GABRB2: variants seen among roughly 807,000 people sequenced by gnomAD.
The protein encoded by GABRB2 is gamma-aminobutyric acid receptor subunit beta-2.
Under a neutral mutation model 54.7 loss-of-function variants are expected in GABRB2, and 16 were observed. The observed-to-expected ratio is 0.29, with a 90% confidence interval of 0.20 to 0.44. GABRB2 has a LOEUF of 0.44. GABRB2 is among the 20% of genes least tolerant of loss of function. The pLI, the probability that GABRB2 is intolerant of heterozygous loss-of-function variation, is 1.00. For synonymous variants in GABRB2, 244 were observed against 233.8 expected (o/e 1.04, Z -0.40); for missense variants, 355 against 644.0 (o/e 0.55, Z 4.86).
In GABRB2 at chr5:161,459,943, T is replaced by A. The variant is rs1278633842; in HGVS notation, c.238-99A>T. 5 of 675,540 alleles carry A rather than the reference T, an allele frequency of 7.4e-6. No individual in the cohort carries two copies. In the Admixed American group the frequency reaches 9.2e-5, roughly 12 times the overall value. 41.8% of individuals were successfully genotyped at this position (675,540 alleles called of 1,614,324 possible). A position where few individuals can be genotyped will look rare whatever the true frequency, so the allele number is the denominator to read the frequency against. ...ATTAATAAGAAAATGAATTTATTTTTAATTTATTTTTATTTTTTTGAGACA... is the reference window on the plus strand; with the variant it reads ...ATTAATAAGAAAATGAATTTATTTTAAATTTATTTTTATTTTTTTGAGACA... On this transcript the variant is annotated intron_variant, in intron 3 of 9. Coordinates refer to ENST00000393959, the MANE Select transcript of GABRB2 (RefSeq NM_001371727.1).
intron 3 of GABRB2, among the ~76,000 whole-genome samples, chr5:161,493,675 G>A (rs1759142315): frequency 6.6e-6 from 1 of 151,568 alleles, no homozygotes; most frequent in Non-Finnish European, 1.5e-5. Flanking sequence ...AAATTATGCA[G>A]GTTTAGTTTT....
chr5:161,313,197 TTGTTATATAACTGCTC>T (rs1757927145), intron 9 of GABRB2, among the ~76,000 whole-genome samples: 2 of 152,260 alleles, frequency 1.3e-5, no homozygotes, highest in South Asian at 4.1e-4. Flanking sequence ...AGTCTCGTGT[TTGTTATATAACTGCTC>T]TGTGACCTTA....
chr5:161,402,663 G>A (rs74474693), intron 5 of GABRB2, among the ~76,000 whole-genome samples: 1 of 152,312 alleles, frequency 6.6e-6, no homozygotes, highest in East Asian at 1.9e-4. Context: ...GTCCAGAGCA[G>A]TGACTTTCAA....
chr5:161,427,393 A>G (rs1757033029), intron 4 of GABRB2, among the ~76,000 whole-genome samples: 1 of 152,186 alleles, frequency 6.6e-6, no homozygotes, highest in African/African-American at 2.4e-5. Context: ...AAATAATGAA[A>G]TAACTCTACT....
At chr5:161,403,944 T>C (rs918036254) in intron 5 of GABRB2, among the ~76,000 whole-genome samples, 10 of 152,152 alleles carry the variant, frequency 6.6e-5, no homozygotes, top group Admixed American at 3.3e-4. Flanking sequence ...ATATGATTTC[T>C]CTTTACTAGG....
intron 4 of GABRB2, among the ~76,000 whole-genome samples, chr5:161,449,108 C>T (rs1263583677): frequency 2.6e-5 from 4 of 152,156 alleles, no homozygotes; most frequent in Non-Finnish European, 5.9e-5. Context: ...TACCTGCTTT[C>T]TCAAGAGTCT....
intron 3 of GABRB2, among the ~76,000 whole-genome samples, chr5:161,472,723 A>G (rs529984550): frequency 1.3e-5 from 2 of 152,010 alleles, no homozygotes; most frequent in East Asian, 1.9e-4. Context: ...AATTAGAGGG[A>G]TGTACGGTGC....
chr5:161,450,379 T>C (rs1452875808), intron 4 of GABRB2, among the ~76,000 whole-genome samples: 3 of 152,172 alleles, frequency 2.0e-5, no homozygotes, highest in African/African-American at 7.2e-5. Context: ...CTTTAAGTGT[T>C]TTTTATTTAA....
At chr5:161,294,629 A>G (rs1306399293) in intron 9 of GABRB2, among the ~76,000 whole-genome samples, 2 of 152,184 alleles carry the variant, frequency 1.3e-5, no homozygotes, top group Non-Finnish European at 2.9e-5. Context: ...ATTAAATGAT[A>G]TAATAATCCA....
At chr5:161,344,586 C>T (rs547368143) in intron 5 of GABRB2, among the ~76,000 whole-genome samples, 2 of 152,016 alleles carry the variant, frequency 1.3e-5, no homozygotes, top group East Asian at 1.9e-4. Flanking sequence ...GATGCTTTTA[C>T]ACTGATGGTT....
Position 161,288,844 on chromosome 5 carries a change from T to C in GABRB2, c.*5237A>G, listed in dbSNP as rs1310438135. On this transcript the variant is annotated 3_prime_UTR_variant, in exon 10 of 10. Transcript: ENST00000393959. ...CGTAACAGAACTATTTAAACACCCA[T>C]GCAAAATAAATTAAAAATGCTGTGA... 6.6e-6 allele frequency: 1 copy of C among 152,122 alleles called. No homozygotes were observed. Among genetic ancestry groups the C allele is most frequent in the African/African-American group, 2.4e-5 (1 of 41,408 alleles). 9.4% of individuals were successfully genotyped at this position (152,122 alleles called of 1,614,324 possible). A position where few individuals can be genotyped will look rare whatever the true frequency, so the allele number is the denominator to read the frequency against.
rs924389738 is a variant in GABRB2 at position 161,290,498 on chromosome 5, T to C, written c.*3583A>G. ...ATAGAGAAATGCTCAGTACCCTGTA[T>C]TACTTATTTCAGTATGTTGATTTTT... On this transcript the variant is annotated 3_prime_UTR_variant, in exon 10 of 10. Transcript: ENST00000393959. 1 of 152,544 alleles carries C rather than the reference T, an allele frequency of 6.6e-6. No homozygotes were observed. The highest frequency in any genetic ancestry group is 2.4e-5 in the African/African-American group (1 of 41,432). 9.4% of individuals were successfully genotyped at this position (152,544 alleles called of 1,614,324 possible).
At chr5:161,446,942 TA>T (rs1757650238) in intron 4 of GABRB2, among the ~76,000 whole-genome samples, 1 of 151,504 alleles carries the variant, frequency 6.6e-6, no homozygotes, top group Non-Finnish European at 1.5e-5. Flanking sequence ...TGATACATAA[TA>T]AGAATTTACC....
intron 5 of GABRB2, among the ~76,000 whole-genome samples, chr5:161,398,977 G>C (rs904978455): frequency 1.4e-4 from 22 of 152,068 alleles, no homozygotes; most frequent in African/African-American, 5.1e-4. Flanking sequence ...GCAGTGCCTT[G>C]GTTTTGCACC....
At chr5:161,437,068 G>C (rs1338680919) in intron 4 of GABRB2, among the ~76,000 whole-genome samples, 2 of 152,148 alleles carry the variant, frequency 1.3e-5, no homozygotes, top group African/African-American at 4.8e-5. Context: ...AGGCCATAAG[G>C]ACTGCAACTA....
chr5:161,429,782 G>A (rs996240509), intron 4 of GABRB2, among the ~76,000 whole-genome samples: 2 of 152,110 alleles, frequency 1.3e-5, no homozygotes, highest in African/African-American at 4.8e-5. Context: ...GACGCATAGA[G>A]GGCAGGCTTA....
intron 3 of GABRB2, among the ~76,000 whole-genome samples, chr5:161,478,689 A>G (rs1480596263): frequency 6.6e-6 from 1 of 152,034 alleles, no homozygotes; most frequent in East Asian, 1.9e-4. Flanking sequence ...ATGGTTGAGT[A>G]CAATGCATAC....
chr5:161,473,152 A>T (rs1758496100), intron 3 of GABRB2, among the ~76,000 whole-genome samples: 1 of 152,032 alleles, frequency 6.6e-6, no homozygotes, highest in Non-Finnish European at 1.5e-5. Flanking sequence ...ACGGAAATTC[A>T]GATTATGCCC....
chr5:161,401,116 C>A (rs373420908), intron 5 of GABRB2, among the ~76,000 whole-genome samples: 2 of 152,130 alleles, frequency 1.3e-5, no homozygotes, highest in Non-Finnish European at 2.9e-5. Flanking sequence ...TCTAGGCCAG[C>A]AGTTATTATG....
Sources: allele counts gnomAD v4.1 joint callset (sites outside exome capture counted in the v4.1 genomes callset), GRCh38; gene constraint gnomAD v4.1.1; transcripts MANE v1.5; gene names NCBI Gene and HGNC (gene_info 2026-07-23, HGNC 2026-07-21).